The following FAM171B variants were observed in gnomAD, a reference collection of about 807,000 sequenced individuals.
FAM171B encodes the protein protein FAM171B.
In FAM171B, 19 loss-of-function variants were observed where a neutral mutation model predicts 75.6. That is an observed-to-expected ratio of 0.25 (90% CI 0.18 to 0.37). The LOEUF is 0.37. Ranked by LOEUF, FAM171B falls within the 10% of genes least tolerant of loss-of-function variation. The probability of loss-of-function intolerance (pLI) is 1.00; values close to 1 mark genes in which losing one functional copy is unlikely to be tolerated. For synonymous variants in FAM171B, 367 were observed against 361.7 expected (o/e 1.01, Z -0.17); for missense variants, 848 against 982.4 (o/e 0.86, Z 1.83).
At chr2:186,697,019 G>C (rs1689592946) in intron 1 of FAM171B, among the ~76,000 whole-genome samples, 2 of 152,090 alleles carry the variant, frequency 1.3e-5, no homozygotes, top group Non-Finnish European at 1.5e-5. Context: ...TGGATGGATG[G>C]ATGGATGGAT....
chr2:186,694,373 C>G lies in FAM171B; in HGVS notation c.200C>G (p.Thr67Arg), dbSNP rs763543510. ...KQLEEAEEER[T>R]EVPGATSTLT... is the part of the protein sequence containing the mutation. ...CTGGAGGAGGCTGAGGAGGAGAGGA[C>G]AGAGGTGCCTGGGGCAACCTCCACC... is the stretch of plus-strand genomic sequence containing the variant. Residue 67 changes from threonine (T) to arginine (R), a missense_variant, in exon 1 of 8, where the codon ACA becomes AGA. Thr to Arg is a moderately conservative substitution (Grantham distance 71). Transcript: ENST00000304698. 7 of 1,612,814 alleles carry G rather than the reference C, an allele frequency of 4.3e-6. No individual in the cohort carries two copies. Among genetic ancestry groups the G allele is most frequent in the Non-Finnish European group, 5.9e-6 (7 of 1,179,642 alleles).
rs370077774 is a variant in FAM171B at position 186,710,893 on chromosome 2, C to G, written c.238+16482C>G. ...CTCTATTACTGTCTTTACACACACA[C>G]ACACACATACACACAATATTGCAGA... is the stretch of plus-strand genomic sequence containing the variant. On this transcript the variant is annotated intron_variant, in intron 1 of 7. Transcript: ENST00000304698. Among the ~76,000 whole-genome samples the G allele has an allele frequency of 2.7e-4, 41 of 152,120 alleles. 1 individual carries two copies. In the South Asian group the frequency reaches 8.1e-3, roughly 30 times the overall value.
chr2:186,756,576 T>C (rs1690533606), intron 6 of FAM171B, among the ~76,000 whole-genome samples: 1 of 152,184 alleles, frequency 6.6e-6, no homozygotes, highest in Non-Finnish European at 1.5e-5. Context: ...GGCTTCTAGA[T>C]GGCCACTTTC....
intron 1 of FAM171B, among the ~76,000 whole-genome samples, chr2:186,697,236 CTGAT>C (rs760200658): frequency 6.6e-6 from 1 of 152,020 alleles, no homozygotes; most frequent in Non-Finnish European, 1.5e-5. Context: ...CTACAGAAAA[CTGAT>C]TGATACCTAT....
At chr2:186,756,541 G>A (rs1690533157) in intron 6 of FAM171B, among the ~76,000 whole-genome samples, 1 of 152,188 alleles carries the variant, frequency 6.6e-6, no homozygotes, top group African/African-American at 2.4e-5. Context: ...TCAAGGTGCT[G>A]TCAGGGTTGG....
At chr2:186,696,788 A>AAATAGT (rs1328309275) in intron 1 of FAM171B, among the ~76,000 whole-genome samples, 1 of 152,052 alleles carries the variant, frequency 6.6e-6, no homozygotes, top group Non-Finnish European at 1.5e-5. Flanking sequence ...CAGGTGTTTA[A>AAATAGT]AATAGTAATC....
chr2:186,728,265 G>T (rs540205448), intron 1 of FAM171B, among the ~76,000 whole-genome samples: 9 of 152,286 alleles, frequency 5.9e-5, no homozygotes, highest in Admixed American at 3.9e-4. Flanking sequence ...CTAGAAAATT[G>T]TGTTAGATAC....
At chr2:186,742,313 C>G (rs1690300671) in intron 2 of FAM171B, among the ~76,000 whole-genome samples, 5 of 152,100 alleles carry the variant, frequency 3.3e-5, no homozygotes, top group Admixed American at 2.0e-4. Context: ...AGAGGTGTGA[C>G]TGAGAAAGTA....
intron 4 of FAM171B, among the ~76,000 whole-genome samples, chr2:186,748,405 TTGTTTTGCC>T (rs1223302852): frequency 6.6e-6 from 1 of 152,188 alleles, no homozygotes; most frequent in Non-Finnish European, 1.5e-5. Flanking sequence ...AGATAGAGTT[TTGTTTTGCC>T]TGTTGGAGTT....
At chr2:186,737,391 G>C (rs888554889) in intron 1 of FAM171B, among the ~76,000 whole-genome samples, 1 of 152,150 alleles carries the variant, frequency 6.6e-6, no homozygotes, top group Non-Finnish European at 1.5e-5. Flanking sequence ...GGGTCATGCT[G>C]TGTTGCCCAG....
At chr2:186,710,405 A>G (rs1055018643) in intron 1 of FAM171B, among the ~76,000 whole-genome samples, 2 of 152,222 alleles carry the variant, frequency 1.3e-5, no homozygotes, top group African/African-American at 4.8e-5. Flanking sequence ...TCTTAACCCA[A>G]CAGATTTGCT....
chr2:186,705,305 C>T (rs1413722951), intron 1 of FAM171B, among the ~76,000 whole-genome samples: 1 of 152,168 alleles, frequency 6.6e-6, no homozygotes. Context: ...GGGGTGGTAA[C>T]TCCAGGCTGT....
chr2:186,708,778 G>A (rs1689769281), intron 1 of FAM171B, among the ~76,000 whole-genome samples: 1 of 152,114 alleles, frequency 6.6e-6, no homozygotes. Flanking sequence ...TGGAAGAATG[G>A]ACAAAAACCA....
chr2:186,702,877 A>G (rs544314477), intron 1 of FAM171B, among the ~76,000 whole-genome samples: 43 of 152,226 alleles, frequency 2.8e-4, no homozygotes, highest in South Asian at 8.3e-4. Flanking sequence ...TTTCATTTAT[A>G]TGTGACATTT....
At chr2:186,734,948 C>A (rs939598935) in intron 1 of FAM171B, among the ~76,000 whole-genome samples, 1 of 152,196 alleles carries the variant, frequency 6.6e-6, no homozygotes, top group African/African-American at 2.4e-5. Flanking sequence ...CAGGGAAAGG[C>A]CAGACAGTGG....
intron 4 of FAM171B, among the ~76,000 whole-genome samples, chr2:186,748,533 C>G (rs538207273): frequency 6.6e-6 from 1 of 152,314 alleles, no homozygotes; most frequent in South Asian, 2.1e-4. Flanking sequence ...TTCCAAGAAG[C>G]AGACTTGGCC....
At chr2:186,736,572 G>C (rs933297735) in intron 1 of FAM171B, among the ~76,000 whole-genome samples, 12 of 146,608 alleles carry the variant, frequency 8.2e-5, no homozygotes, top group Non-Finnish European at 1.2e-4. Context: ...GTGTGGGAGA[G>C]AGAGAGAGAG....
chr2:186,700,239 T>G (rs187053303), intron 1 of FAM171B, among the ~76,000 whole-genome samples: 70 of 144,584 alleles, frequency 4.8e-4, no homozygotes, highest in African/African-American at 1.7e-3. Flanking sequence ...CTGAGTTTTG[T>G]TTTTTTTTTC....
chr2:186,726,360 A>G (rs1238966691), intron 1 of FAM171B, among the ~76,000 whole-genome samples: 2 of 152,068 alleles, frequency 1.3e-5, no homozygotes, highest in Non-Finnish European at 2.9e-5. Flanking sequence ...AGGCTTTTCT[A>G]TTTTACTGAT....
Sources: gnomAD v4.1 joint callset for allele counts (sites outside exome capture counted in the v4.1 genomes callset) on GRCh38, gnomAD v4.1.1 for gene constraint, MANE v1.5 for transcripts, NCBI Gene and HGNC (gene_info 2026-07-23, HGNC 2026-07-21) for gene names.